LINGO2: variants seen among roughly 807,000 people sequenced by gnomAD.
LINGO2 encodes the protein leucine rich repeat and Ig domain containing 2.
Under a neutral mutation model 30.6 loss-of-function variants are expected in LINGO2, and 14 were observed. That is an observed-to-expected ratio of 0.46 (90% CI 0.30 to 0.72). The LOEUF (loss-of-function observed/expected upper bound fraction) is 0.72. LINGO2 is among the 30% of genes least tolerant of loss of function. LINGO2 has a pLI of 0.07. For synonymous variants in LINGO2, 317 were observed against 288.5 expected, an observed-to-expected ratio of 1.10 and a Z score of -1.00; for missense variants, 729 against 751.7, an observed-to-expected ratio of 0.97 and a Z score of 0.35.
At chr9:28,664,094 C>T (rs1267013990) in intron 1 of LINGO2, among the ~76,000 whole-genome samples, 1 of 151,946 alleles carries the variant, frequency 6.6e-6, no homozygotes, top group South Asian at 2.1e-4. Flanking sequence ...TTATTCTTAA[C>T]AGGATTTGGG....
At chr9:29,173,833 T>C in the LINGO2 span, among the ~76,000 whole-genome samples, 7,244 of 152,116 alleles carry the variant, frequency 0.048, 555 homozygotes, top group African/African-American at 0.16. Context: ...AGAATATTCA[T>C]CTAAGGCAAG....
downstream of LINGO2, among the ~76,000 whole-genome samples, chr9:27,947,409 A>C (rs1186790391): frequency 6.6e-6 from 1 of 152,188 alleles, no homozygotes; most frequent in African/African-American, 2.4e-5. Flanking sequence ...ACAACTTGAC[A>C]TATTTATGGG....
At chr9:27,990,836 G>T (rs1170050429) in intron 5 of LINGO2, among the ~76,000 whole-genome samples, 1 of 152,006 alleles carries the variant, frequency 6.6e-6, no homozygotes, top group Non-Finnish European at 1.5e-5. Context: ...GTCATTAAAG[G>T]TGTCATGAAA....
chr9:29,164,075 C>T, the LINGO2 span, among the ~76,000 whole-genome samples: 17 of 151,188 alleles, frequency 1.1e-4, no homozygotes, highest in African/African-American at 3.7e-4. Flanking sequence ...TGTGAGGGAA[C>T]CTAAGCAGTT....
At chr9:28,730,678 T>C in the LINGO2 span, among the ~76,000 whole-genome samples, 1 of 152,170 alleles carries the variant, frequency 6.6e-6, no homozygotes, top group African/African-American at 2.4e-5. Flanking sequence ...CAGTTGTACA[T>C]ACTGTATAAA....
chr9:28,330,191 C>T (rs1483092286), intron 3 of LINGO2, among the ~76,000 whole-genome samples: 1 of 152,148 alleles, frequency 6.6e-6, no homozygotes, highest in Non-Finnish European at 1.5e-5. Flanking sequence ...GTACTGCCTA[C>T]AAGTCAAGAT....
intron 4 of LINGO2, among the ~76,000 whole-genome samples, chr9:28,022,499 A>T (rs1823179708): frequency 6.6e-6 from 1 of 152,116 alleles, no homozygotes; most frequent in African/African-American, 2.4e-5. Context: ...TCTTCTGGTC[A>T]TGAAATCCCT....
At chr9:28,552,669 G>T (rs561829350) in intron 1 of LINGO2, among the ~76,000 whole-genome samples, 1 of 148,426 alleles carries the variant, frequency 6.7e-6, no homozygotes. Context: ...GAATTCCTAT[G>T]CTATATTTTC....
intron 1 of LINGO2, among the ~76,000 whole-genome samples, chr9:28,533,782 A>G (rs565771482): frequency 6.6e-6 from 1 of 152,184 alleles, no homozygotes; most frequent in Non-Finnish European, 1.5e-5. Flanking sequence ...CAGCACCCAG[A>G]ACAGTACCTG....
rs1244327078 is a variant in LINGO2, at chr9:28,148,981, G to A, written c.-86-136576C>T. On this transcript the variant is annotated intron_variant, in intron 4 of 5. Transcript: ENST00000379992. The surrounding 1 kb of genome is among the most constrained non-coding windows in gnomAD (Gnocchi z 5.1). ...AAAGAAAACTGTCGGGGCCACCGCTGCAGCTGCAACCGACCCCTCCCCTGC... is the reference window on the plus strand; with the variant it reads ...AAAGAAAACTGTCGGGGCCACCGCTACAGCTGCAACCGACCCCTCCCCTGC... 7.8e-6 allele frequency: 12 copies of A among 1,534,224 alleles called. No individual in the cohort carries two copies. The highest frequency in any genetic ancestry group is 2.7e-5 in the African/African-American group (2 of 73,092).
At chr9:28,064,330 G>T (rs1180299983) in intron 4 of LINGO2, among the ~76,000 whole-genome samples, 2 of 152,180 alleles carry the variant, frequency 1.3e-5, no homozygotes, top group Non-Finnish European at 2.9e-5. Context: ...ATCTTCTGCA[G>T]TAAAACAGGG....
At chr9:28,827,506 A>T in the LINGO2 span, among the ~76,000 whole-genome samples, 1 of 152,280 alleles carries the variant, frequency 6.6e-6, no homozygotes, top group East Asian at 1.9e-4. Flanking sequence ...TTATTTCATA[A>T]AGTTGTAAGA....
At chr9:28,260,123 A>G (rs1053437368) in intron 4 of LINGO2, among the ~76,000 whole-genome samples, 10 of 151,918 alleles carry the variant, frequency 6.6e-5, no homozygotes, top group Non-Finnish European at 5.9e-5. Flanking sequence ...GGATCCATAA[A>G]TTCAGAAATT....
At chr9:28,085,372 A>G (rs1038895000) in intron 4 of LINGO2, among the ~76,000 whole-genome samples, 2 of 152,120 alleles carry the variant, frequency 1.3e-5, no homozygotes, top group Admixed American at 1.3e-4. Flanking sequence ...AGAAGTATGG[A>G]GAAGATGTGG....
At chr9:29,047,051 A>AAAAAAAAAAAAAAAAAC in the LINGO2 span, among the ~76,000 whole-genome samples, 11,658 of 101,930 alleles carry the variant, frequency 0.11, 1,907 homozygotes, top group East Asian at 0.19. Flanking sequence ...AAAAAAAAAA[A>AAAAAAAAAAAAAAAAAC]CCAAAAACAA....
chr9:28,327,547 G>A (rs1364129520), intron 3 of LINGO2, among the ~76,000 whole-genome samples: 1 of 152,120 alleles, frequency 6.6e-6, no homozygotes, highest in South Asian at 2.1e-4. Flanking sequence ...AGGATTATTT[G>A]GCCCAGTGTT....
At chr9:28,249,713 T>G (rs1822127380) in intron 4 of LINGO2, among the ~76,000 whole-genome samples, 1 of 152,210 alleles carries the variant, frequency 6.6e-6, no homozygotes, top group African/African-American at 2.4e-5. Context: ...GCATGAATAA[T>G]TATTTTTACT....
intron 4 of LINGO2, among the ~76,000 whole-genome samples, chr9:28,199,921 T>C (rs1820167597): frequency 7.1e-6 from 1 of 140,080 alleles, no homozygotes; most frequent in South Asian, 2.3e-4. Context: ...GTCATAAAGA[T>C]AACCAAACAA....
the LINGO2 span, among the ~76,000 whole-genome samples, chr9:28,800,572 C>T: frequency 3.3e-5 from 5 of 151,880 alleles, no homozygotes; most frequent in African/African-American, 1.2e-4. Flanking sequence ...TAGCAGTAGC[C>T]GTATCATTGG....
Sources: allele counts gnomAD v4.1 joint callset (sites outside exome capture counted in the v4.1 genomes callset), GRCh38; gene constraint gnomAD v4.1.1; non-coding constraint Gnocchi (gnomAD v3.1); transcripts MANE v1.5; gene names NCBI Gene and HGNC (gene_info 2026-07-23, HGNC 2026-07-21).